The following KDM6A variants were observed in gnomAD, a reference collection of about 807,000 sequenced individuals.
The protein encoded by KDM6A is lysine-specific demethylase 6A.
A neutral mutation model predicts 117.6 loss-of-function variants in KDM6A; 11 were observed. The ratio of observed to expected loss-of-function variants is 0.09; its 90% CI spans 0.06 to 0.15. KDM6A has a LOEUF of 0.15. Among genes scored for constraint, KDM6A ranks in the 10% least tolerant of loss-of-function variants. The pLI is 1.00. For missense variants in KDM6A, 799 were observed against 1,077.3 expected, an observed-to-expected ratio of 0.74 and a Z score of 3.62; for synonymous variants, 384 against 396.1, an observed-to-expected ratio of 0.97 and a Z score of 0.36.
At chrX:44,982,370 G>C (rs1488513206) in intron 4 of KDM6A, among the ~76,000 whole-genome samples, 1 of 111,001 alleles carries the variant, frequency 9.0e-6, no homozygotes, top group African/African-American at 3.3e-5. Flanking sequence ...GGGTTTGATA[G>C]AGTTGTGCTA....
At chrX:44,983,030 AT>A (rs760844680) in intron 4 of KDM6A, among the ~76,000 whole-genome samples, 1 of 112,050 alleles carries the variant, frequency 8.9e-6, no homozygotes, top group Non-Finnish European at 1.9e-5. Flanking sequence ...CTTAACCTGA[AT>A]TTTTTTTAAA....
chrX:45,093,711 A>G lies in KDM6A; in HGVS notation c.4034+2847A>G, dbSNP rs773415478. ...ACCTCTATCATCTTTTCCATTCCCT[A>G]CCCCACCCTCAATATTCTTGATACC... On this transcript the variant is annotated intron_variant, in intron 27 of 29. Transcript: ENST00000611820. Among the ~76,000 whole-genome samples the G allele has an allele frequency of 2.7e-5, 3 of 110,701 alleles. No individual in the cohort carries two copies. In the South Asian group the frequency reaches 1.2e-3, roughly 43 times the overall value.
At chrX:45,046,189 A>G (rs755656069) in intron 8 of KDM6A, among the ~76,000 whole-genome samples, 2 of 111,988 alleles carry the variant, frequency 1.8e-5, no homozygotes, top group Non-Finnish European at 1.9e-5. Flanking sequence ...TAATAGAGCT[A>G]AAGGTAAAGT....
chrX:45,108,975 G>T (rs1301773005), intron 28 of KDM6A, among the ~76,000 whole-genome samples: 2 of 90,120 alleles, frequency 2.2e-5, no homozygotes, highest in African/African-American at 4.1e-5. Context: ...GTTGTGGGAT[G>T]GGGGGAGGGG....
chrX:44,960,774 A>AAGGC (rs773452916), intron 2 of KDM6A, among the ~76,000 whole-genome samples: 1 of 111,759 alleles, frequency 8.9e-6, no homozygotes, highest in South Asian at 3.7e-4. Context: ...AGACAATGGA[A>AAGGC]AGGCAGTATA....
chrX:44,899,004 G>GGT (rs745714866), intron 2 of KDM6A, among the ~76,000 whole-genome samples: 9,941 of 79,120 alleles, frequency 0.13, 389 homozygotes, highest in East Asian at 0.26. Context: ...GGAGAGGGAG[G>GGT]GTGTGTGTGT....
intron 27 of KDM6A, among the ~76,000 whole-genome samples, chrX:45,094,870 C>T (rs967469286): frequency 3.6e-5 from 4 of 111,007 alleles, no homozygotes; most frequent in African/African-American, 1.3e-4. Context: ...GGCTTGAGTG[C>T]AATGTGTGAT....
In KDM6A at chrX:45,027,293, TAGTG is replaced by T. The variant is rs766847338; in HGVS notation, c.564+6566_564+6569del. ...AAGTTTGAGAGCAACCTGGGCAACATAGTGAGACACACATACACACACACACACG... is the reference window on the plus strand; with the variant it reads ...AAGTTTGAGAGCAACCTGGGCAACATAGACACACATACACACACACACACG... On this transcript the variant is annotated intron_variant, in intron 6 of 29. Coordinates refer to ENST00000611820, the MANE Select transcript of KDM6A (RefSeq NM_001291415.2). 2.7e-4 allele frequency among the ~76,000 whole-genome samples: 27 copies of T among 101,324 alleles called. No individual in the cohort carries two copies. In the East Asian group the frequency reaches 4.9e-3, roughly 18 times the overall value. The allele number at this position is 101,324 out of a possible 115,157, so 88.0% of individuals were successfully genotyped here.
In KDM6A at chrX:44,983,975, G is replaced by A. The variant is rs1264112279; in HGVS notation, c.384+9260G>A. ...GGTATTTCTAGTTCTAGATCCCTGA[G>A]GAATCGCCACACTGACTTCCACAAT... On this transcript the variant is annotated intron_variant, in intron 4 of 29. Coordinates refer to ENST00000611820, the MANE Select transcript of KDM6A (RefSeq NM_001291415.2). Among the ~76,000 whole-genome samples, 4 of 110,207 alleles carry A rather than the reference G, an allele frequency of 3.6e-5. No homozygotes were observed. In the East Asian group the frequency reaches 1.1e-3, roughly 31 times the overall value.
intron 17 of KDM6A, among the ~76,000 whole-genome samples, chrX:45,066,879 C>T (rs2044558038): frequency 8.9e-6 from 1 of 112,145 alleles, no homozygotes; most frequent in Admixed American, 9.5e-5. Context: ...TTGCTTCACA[C>T]GCCCTTCAAA....
chrX:44,990,535 C>T (rs920564570), intron 4 of KDM6A, among the ~76,000 whole-genome samples: 61 of 92,530 alleles, frequency 6.6e-4, no homozygotes, highest in Admixed American at 5.6e-3. Context: ...GGGCAACGAG[C>T]GAAACTGTGT....
intron 8 of KDM6A, among the ~76,000 whole-genome samples, chrX:45,051,157 G>A (rs549309266): frequency 1.2e-4 from 13 of 110,954 alleles, no homozygotes; most frequent in African/African-American, 3.3e-4. Context: ...CTACATGTGC[G>A]CGCCACCATG....
At chrX:44,898,095 G>T (rs1411327349) in intron 2 of KDM6A, among the ~76,000 whole-genome samples, 1 of 111,745 alleles carries the variant, frequency 8.9e-6, no homozygotes, top group Non-Finnish European at 1.9e-5. Context: ...CCACCTTGTT[G>T]CCTCTGAGTA....
chrX:45,083,519 C>T lies in KDM6A; in HGVS notation c.3500C>T (p.Ala1167Val). The T allele has an allele frequency of 3.3e-6, 4 of 1,208,666 alleles. No homozygotes were observed. Among genetic ancestry groups the T allele is most frequent in the Non-Finnish European group, 4.5e-6 (4 of 892,894 alleles). ...CCTGCTTTTGTGCGTGTCGTATCAG[C>T]AGGAAATCTTCTAAGCCATGTTGGT... ...KLPAFVRVVSAGNLLSHVGHT... is the reference protein window; with the variant it reads ...KLPAFVRVVSVGNLLSHVGHT... The change falls in exon 24 of 30, where the codon GCA becomes GTA. Residue 1167 changes from alanine to valine, a missense_variant. By Grantham distance (64) the Ala-to-Val change is moderately conservative. Around this residue, in one of 8 missense-constraint regions of KDM6A, gnomAD observed 291 missense variants for 437.9 expected, o/e 0.66. Coordinates refer to ENST00000611820, the MANE Select transcript of KDM6A (RefSeq NM_001291415.2).
At chrX:45,093,153 G>A (rs1427912991) in intron 27 of KDM6A, among the ~76,000 whole-genome samples, 4 of 109,898 alleles carry the variant, frequency 3.6e-5, no homozygotes, top group Admixed American at 2.0e-4. Flanking sequence ...AGGCCGAGGC[G>A]AGCCGGATCA....
At position 44,956,341 on chromosome X, in the gene KDM6A, G is replaced by A. The variant is rs183576121; in HGVS notation, c.226-4943G>A. On this transcript the variant is annotated intron_variant, in intron 2 of 29. Coordinates refer to ENST00000611820, the MANE Select transcript of KDM6A (RefSeq NM_001291415.2). ...TGTATAATATAATTTATTAATTTGGGCCATGAATATTTTTTAAATTTCCTT... is the reference window on the plus strand; with the variant it reads ...TGTATAATATAATTTATTAATTTGGACCATGAATATTTTTTAAATTTCCTT... Among the ~76,000 whole-genome samples the A allele has an allele frequency of 3.8e-3, 427 of 111,321 alleles. 5 individuals carry two copies. In the South Asian group the frequency reaches 0.06, roughly 16 times the overall value.
chrX:45,088,924 G>C (rs1439991377), intron 25 of KDM6A, among the ~76,000 whole-genome samples: 1 of 112,165 alleles, frequency 8.9e-6, no homozygotes, highest in Non-Finnish European at 1.9e-5. Flanking sequence ...AAGTTGTTTT[G>C]AACTGCATAG....
chrX:44,883,262 G>C (rs1043743690), intron 2 of KDM6A, among the ~76,000 whole-genome samples: 9 of 109,951 alleles, frequency 8.2e-5, no homozygotes, highest in Admixed American at 2.0e-4. Context: ...GTAGAGACAG[G>C]GTTTCATTAT....
chrX:45,090,031 GAA>G, intron 26 of KDM6A, 101 bp downstream of exon 26: 1 of 617,252 alleles, frequency 1.6e-6, no homozygotes, highest in Non-Finnish European at 2.5e-6. Context: ...AAAGTTGTAA[GAA>G]GAATGACTCC....
Sources: allele counts gnomAD v4.1 joint callset (sites outside exome capture counted in the v4.1 genomes callset), GRCh38; gene constraint gnomAD v4.1.1; regional missense constraint gnomAD v4.1.1; transcripts MANE v1.5; gene names NCBI Gene and HGNC (gene_info 2026-07-23, HGNC 2026-07-21).